The following MTHFD2L variants were observed in gnomAD, a reference collection of about 807,000 sequenced individuals.
The protein encoded by MTHFD2L is methylenetetrahydrofolate dehydrogenase (NADP+ dependent) 2 like, also known as bifunctional methylenetetrahydrofolate dehydrogenase/cyclohydrolase 2, mitochondrial.
MTHFD2L carries 29 observed loss-of-function variants against 34.9 expected under a neutral mutation model. The observed-to-expected ratio is 0.83, with a 90% CI of 0.62 to 1.13. The LOEUF (loss-of-function observed/expected upper bound fraction) is 1.13. Ranked by LOEUF, MTHFD2L falls within the 50% of genes most tolerant of loss-of-function variation. MTHFD2L has a pLI of 0.00. For missense variants in MTHFD2L, 481 were observed against 446.5 expected, an observed-to-expected ratio of 1.08 and a Z score of -0.70; for synonymous variants, 167 against 155.7, an observed-to-expected ratio of 1.07 and a Z score of -0.54.
intron 7 of MTHFD2L, among the ~76,000 whole-genome samples, chr4:74,296,961 G>A (rs10017409): frequency 0.38 from 57,985 of 151,826 alleles, 14,394 homozygotes; most frequent in African/African-American, 0.71. Flanking sequence ...AGAAGGGCAC[G>A]TTAGACAAAG....
At chr4:74,226,930 T>A (rs1245142735) in intron 6 of MTHFD2L, among the ~76,000 whole-genome samples, 2 of 152,288 alleles carry the variant, frequency 1.3e-5, no homozygotes, top group Admixed American at 6.5e-5. Context: ...TTGGGGATAC[T>A]GTTTTAGATT....
At chr4:74,177,381 A>G (rs1158748936) in intron 3 of MTHFD2L, among the ~76,000 whole-genome samples, 3 of 151,970 alleles carry the variant, frequency 2.0e-5, no homozygotes, top group East Asian at 1.9e-4. Context: ...TGGCATTTCT[A>G]CGACATTTCA....
rs1724562960 is a variant in MTHFD2L, at chr4:74,158,191, C to A, written c.53C>A (p.Ala18Glu). 2 of 1,525,700 alleles carry A rather than the reference C, an allele frequency of 1.3e-6. No individual in the cohort carries two copies. Among genetic ancestry groups the A allele is most frequent in the Non-Finnish European group, 1.8e-6 (2 of 1,137,256 alleles). The allele number at this position is 1,525,700 out of a possible 1,614,324, so 94.5% of individuals were successfully genotyped here. ...CTGCTCCGCGGCCGCCTTGGCCGAGCGCCGGCGTTGGGCAGAAGCACAGCA... is the reference window on the plus strand; with the variant it reads ...CTGCTCCGCGGCCGCCTTGGCCGAGAGCCGGCGTTGGGCAGAAGCACAGCA... ...FSLLRGRLGR[A>E]PALGRSTAPS... The change falls in exon 1 of 8, where the codon GCG becomes GAG. Residue 18 changes from alanine (A) to glutamate (E), a missense_variant. Coordinates refer to ENST00000325278, the MANE Select transcript of MTHFD2L (RefSeq NM_001144978.3).
At chr4:74,136,637 A>G (rs1423806505) in intron 1 of MTHFD2L, among the ~76,000 whole-genome samples, 1 of 152,104 alleles carries the variant, frequency 6.6e-6, no homozygotes, top group African/African-American at 2.4e-5. Flanking sequence ...TGAAATTCAT[A>G]TGGAACTGCA....
At chr4:74,145,018 A>C (rs1490346309) in intron 1 of MTHFD2L, among the ~76,000 whole-genome samples, 2 of 152,216 alleles carry the variant, frequency 1.3e-5, no homozygotes, top group Non-Finnish European at 2.9e-5. Flanking sequence ...GATTTAAATA[A>C]GAAAGTCAAA....
rs536202332 is a variant in MTHFD2L at position 74,130,918 on chromosome 4, A to G, written c.-297+5401A>G. Among the ~76,000 whole-genome samples, 8 of 152,310 alleles carry G rather than the reference A, an allele frequency of 5.3e-5. No individual in the cohort carries two copies. In the South Asian group the frequency reaches 8.3e-4, roughly 16 times the overall value. The stretch of plus-strand genomic sequence containing the variant: ...CAGGATACAAAATCAATGTGCGAAA[A>G]TCACAAGCATTCCTATACACCAATA... On this transcript the variant is annotated intron_variant, in intron 1 of 7. Coordinates refer to the MTHFD2L transcript ENST00000433372.
chr4:74,271,479 G>T (rs537648464), intron 6 of MTHFD2L, among the ~76,000 whole-genome samples: 1 of 152,316 alleles, frequency 6.6e-6, no homozygotes, highest in African/African-American at 2.4e-5. Flanking sequence ...TCTGATGGTT[G>T]TAGATGTGTG....
At chr4:74,172,815 G>A (rs1250589515) in intron 1 of MTHFD2L, among the ~76,000 whole-genome samples, 3 of 152,152 alleles carry the variant, frequency 2.0e-5, no homozygotes, top group Admixed American at 6.5e-5. Flanking sequence ...TGAGATGAAT[G>A]CAGTGGAAGA....
chr4:74,127,275 T>C (rs1722150500), intron 1 of MTHFD2L, among the ~76,000 whole-genome samples: 1 of 152,206 alleles, frequency 6.6e-6, no homozygotes, highest in African/African-American at 2.4e-5. Context: ...ATTTGAATTA[T>C]TCTCTTCTAG....
intron 6 of MTHFD2L, among the ~76,000 whole-genome samples, chr4:74,279,266 A>C (rs1747114111): frequency 6.6e-6 from 1 of 152,008 alleles, no homozygotes; most frequent in Non-Finnish European, 1.5e-5. Flanking sequence ...ATACATAGTG[A>C]GACACAACAT....
At chr4:74,116,965 G>A (rs527878022) in intron 2 of MTHFD2L, among the ~76,000 whole-genome samples, 8 of 152,180 alleles carry the variant, frequency 5.3e-5, no homozygotes, top group African/African-American at 7.2e-5. Context: ...ACCACATATC[G>A]TTTTCTCTTT....
intron 6 of MTHFD2L, among the ~76,000 whole-genome samples, chr4:74,263,372 C>T (rs1744910554): frequency 6.6e-6 from 1 of 151,822 alleles, no homozygotes; most frequent in Non-Finnish European, 1.5e-5. Flanking sequence ...TGAAGAATGT[C>T]AACATTCTAA....
chr4:74,244,070 G>A (rs985479827), intron 6 of MTHFD2L, among the ~76,000 whole-genome samples: 1 of 152,138 alleles, frequency 6.6e-6, no homozygotes, highest in Non-Finnish European at 1.5e-5. Flanking sequence ...GTTGGGGGTG[G>A]GTTCTCAAAT....
At chr4:74,219,270 A>G (rs535358493) in intron 5 of MTHFD2L, among the ~76,000 whole-genome samples, 45 of 152,234 alleles carry the variant, frequency 3.0e-4, no homozygotes, top group Non-Finnish European at 4.7e-4. Flanking sequence ...AACATATTAT[A>G]AAACACTAGG....
chr4:74,130,612 A>G (rs916303136), intron 1 of MTHFD2L, among the ~76,000 whole-genome samples: 3 of 152,196 alleles, frequency 2.0e-5, no homozygotes. Flanking sequence ...TATTTATGAC[A>G]AACCCACAGC....
intron 1 of MTHFD2L, among the ~76,000 whole-genome samples, chr4:74,158,621 G>A (rs950584940): frequency 6.6e-6 from 1 of 152,274 alleles, no homozygotes; most frequent in East Asian, 1.9e-4. Context: ...TTTTTACTTT[G>A]GTTATTTTAG....
At chr4:74,188,361 C>G (rs1280875869) in intron 3 of MTHFD2L, among the ~76,000 whole-genome samples, 2 of 152,114 alleles carry the variant, frequency 1.3e-5, no homozygotes, top group Non-Finnish European at 2.9e-5. Context: ...TCATTGTGTC[C>G]TCACATGATG....
At chr4:74,153,908 C>T (rs934771006), upstream of MTHFD2L, among the ~76,000 whole-genome samples, 2 of 152,048 alleles carry the variant, frequency 1.3e-5, no homozygotes, top group African/African-American at 4.8e-5. Context: ...TTACTATTAA[C>T]AAAAGTTTAT....
chr4:74,207,344 A>T (rs757438672), intron 5 of MTHFD2L, among the ~76,000 whole-genome samples: 1 of 152,146 alleles, frequency 6.6e-6, no homozygotes, highest in Non-Finnish European at 1.5e-5. Flanking sequence ...TCATTGGAGT[A>T]ATATTGATGC....
Sources: allele counts gnomAD v4.1 joint callset (sites outside exome capture counted in the v4.1 genomes callset), GRCh38; gene constraint gnomAD v4.1.1; transcripts MANE v1.5; gene names NCBI Gene and HGNC (gene_info 2026-07-23, HGNC 2026-07-21).